The following DNAH11 variants were observed in gnomAD, a reference collection of about 807,000 sequenced individuals.
DNAH11 encodes dynein axonemal heavy chain 11, also known as axonemal beta dynein heavy chain 11.
Under a neutral mutation model 526.0 loss-of-function variants are expected in DNAH11, and 442 were observed. The observed-to-expected ratio is 0.84, with a 90% CI of 0.78 to 0.91. The LOEUF (loss-of-function observed/expected upper bound fraction) is 0.91. Among genes scored for constraint, DNAH11 ranks in the 40% least tolerant of loss-of-function variants. The pLI, the probability that DNAH11 is intolerant of heterozygous loss-of-function variation, is 0.00. For synonymous variants in DNAH11, 2,461 were observed against 1,935.9 expected, an observed-to-expected ratio of 1.27 and a Z score of -7.12; for missense variants, 6,989 against 5,448.7, an observed-to-expected ratio of 1.28 and a Z score of -8.90.
intron 74 of DNAH11, among the ~76,000 whole-genome samples, chr7:21,874,990 C>G (rs145245436): frequency 5.1e-4 from 77 of 152,250 alleles, no homozygotes; most frequent in Non-Finnish European, 7.2e-4. Flanking sequence ...TTTCTCGTAA[C>G]TTTTGGGTCA....
At chr7:21,564,512 T>C in intron 6 of DNAH11, 115 bp downstream of exon 6, 1 of 726,510 alleles carries the variant, frequency 1.4e-6, no homozygotes, top group Non-Finnish European at 2.1e-6. Flanking sequence ...TTTTTCTTTT[T>C]TCAGAAAGGA....
rs1325534080 is a variant in DNAH11, at chr7:21,884,430, AT to A, written c.12507+23del. On this transcript the variant is annotated intron_variant, in intron 76 of 81. Transcript: ENST00000409508. The stretch of plus-strand genomic sequence containing the variant: ...TCTCTGGTAAGACATTTGTAAATTA[AT>A]TTGTAAATAAATTTCACTGAGCAAA... 1.3e-6 allele frequency: 2 copies of A among 1,584,714 alleles called. No individual in the cohort carries two copies. Among genetic ancestry groups the A allele is most frequent in the African/African-American group, 1.4e-5 (1 of 73,592 alleles).
In DNAH11 at chr7:21,704,585, C is replaced by T. The variant is rs780210028; in HGVS notation, c.6425C>T (p.Thr2142Ile). ...LHFEQMVRQS[T>I]LELRLQPEES... The stretch of plus-strand genomic sequence containing the variant: ...TTTGAACAGATGGTCAGGCAGTCTA[C>T]CCTGGAGCTCCGCCTGCAGCCTGAA... Residue 2142 changes from threonine (T) to isoleucine (I), a missense_variant, in exon 38 of 82, where the codon ACC (threonine) becomes ATC (isoleucine). By Grantham distance (89) the Thr-to-Ile change is moderately conservative. Coordinates refer to ENST00000409508, the MANE Select transcript of DNAH11 (RefSeq NM_001277115.2). The T allele has an allele frequency of 6.2e-7, 1 of 1,611,342 alleles. No homozygotes were observed. The highest frequency in any genetic ancestry group is 8.5e-7 in the Non-Finnish European group (1 of 1,179,126).
At position 21,828,696 on chromosome 7, in the gene DNAH11, C is replaced by T. The variant is rs566397106; in HGVS notation, c.10691+10357C>T. ...ATGTTTAAATATGGATATGTTGAAG[C>T]GTGTGTAGGTGTGTATCAAAAGAGA... On this transcript the variant is annotated intron_variant, in intron 65 of 81. Coordinates refer to ENST00000409508, the MANE Select transcript of DNAH11 (RefSeq NM_001277115.2). Among the ~76,000 whole-genome samples, 50 of 149,170 alleles carry T rather than the reference C, an allele frequency of 3.4e-4. 1 individual carries two copies. The highest frequency in any genetic ancestry group is 3.2e-3 in the South Asian group (15 of 4,710).
At chr7:21,843,454 A>G (rs1009139439) in intron 66 of DNAH11, among the ~76,000 whole-genome samples, 4 of 151,720 alleles carry the variant, frequency 2.6e-5, no homozygotes, top group African/African-American at 4.9e-5. Context: ...TAAAAACTAT[A>G]AAGGAATGCT....
At chr7:21,876,911 A>G (rs936631355) in intron 74 of DNAH11, among the ~76,000 whole-genome samples, 1 of 152,262 alleles carries the variant, frequency 6.6e-6, no homozygotes, top group African/African-American at 2.4e-5. Flanking sequence ...TATCTTAAGC[A>G]ACCATATGCC....
At chr7:21,856,895 G>C (rs1782872171) in intron 68 of DNAH11, among the ~76,000 whole-genome samples, 1 of 152,066 alleles carries the variant, frequency 6.6e-6, no homozygotes, top group African/African-American at 2.4e-5. Flanking sequence ...GTTGAAAATG[G>C]AATGCTTTTC....
chr7:21,768,638 A>G (rs758856765), intron 55 of DNAH11, among the ~76,000 whole-genome samples: 1 of 152,232 alleles, frequency 6.6e-6, no homozygotes, highest in African/African-American at 2.4e-5. Context: ...TTCAGGGAAA[A>G]GCAGTTATTC....
At chr7:21,670,478 A>G (rs1250653299) in intron 30 of DNAH11, among the ~76,000 whole-genome samples, 2 of 152,172 alleles carry the variant, frequency 1.3e-5, no homozygotes, top group African/African-American at 2.4e-5. Context: ...CATCATCTGT[A>G]AGTAATGACA....
At chr7:21,676,127 G>A (rs539298879) in intron 30 of DNAH11, among the ~76,000 whole-genome samples, 1 of 152,142 alleles carries the variant, frequency 6.6e-6, no homozygotes, top group East Asian at 1.9e-4. Flanking sequence ...TTGTGCTCCA[G>A]GAACAAAAGT....
Position 21,786,675 on chromosome 7 carries a change from A to G in DNAH11, c.9649A>G (p.Asn3217Asp). Residue 3217 changes from asparagine (N) to aspartate (D), a missense_variant, in exon 59 of 82, where the codon AAT (asparagine) becomes GAT (aspartate). Physicochemically the swap from Asn to Asp is conservative, Grantham distance 23. Coordinates refer to ENST00000409508, the MANE Select transcript of DNAH11 (RefSeq NM_001277115.2). ...TCCCAACCCTCCCATCGCAGTTACC[A>G]ATGTTACTGCAGCCGTGATGGTCCT... ...AFPNPPIAVTNVTAAVMVLLA... is the reference protein window; with the variant it reads ...AFPNPPIAVTDVTAAVMVLLA... 6.2e-7 allele frequency: 1 copy of G among 1,613,694 alleles called. No homozygotes were observed. The highest frequency in any genetic ancestry group is 2.2e-5 in the East Asian group (1 of 44,884).
At chr7:21,892,790 C>T in intron 77 of DNAH11, 123 bp downstream of exon 77, 1 of 1,144,002 alleles carries the variant, frequency 8.7e-7, no homozygotes. Context: ...CAACCACCAC[C>T]TAGATCAAAA....
intron 74 of DNAH11, among the ~76,000 whole-genome samples, chr7:21,880,272 G>T (rs946890843): frequency 6.6e-6 from 1 of 152,122 alleles, no homozygotes; most frequent in African/African-American, 2.4e-5. Flanking sequence ...GTGTCCATGT[G>T]CCCAGAGAAC....
At chr7:21,786,501 A>C in intron 58 of DNAH11, 123 bp from the exon 59 acceptor site, 2 of 1,314,004 alleles carry the variant, frequency 1.5e-6, no homozygotes, top group African/African-American at 2.9e-5. Flanking sequence ...AGAATTGCCA[A>C]ATTGAGACTG....
At chr7:21,861,499 A>C (rs185922310) in intron 68 of DNAH11, among the ~76,000 whole-genome samples, 2 of 152,368 alleles carry the variant, frequency 1.3e-5, no homozygotes, top group African/African-American at 4.8e-5. Context: ...TACTGAACTG[A>C]ATGTATGTAC....
chr7:21,868,947 G>A lies in DNAH11; in HGVS notation c.11923G>A (p.Ala3975Thr). 1.9e-6 allele frequency: 3 copies of A among 1,614,012 alleles called. No homozygotes were observed. The highest frequency in any genetic ancestry group is 1.7e-5 in the Admixed American group (1 of 60,024). The part of the protein sequence containing the change: ...GQGQETVAEV[A>T]LEKASKGGHW... ...AGGTCAGGAGACGGTGGCAGAAGTG[G>A]CCCTGGAGAAAGCTTCCAAAGGAGG... The change falls in exon 73 of 82, where the codon GCC becomes ACC. Residue 3975 changes from alanine (A) to threonine (T), a missense_variant. Physicochemically the swap from Ala to Thr is moderately conservative, Grantham distance 58. Transcript: ENST00000409508.
chr7:21,758,747 C>T (rs1052603410), intron 54 of DNAH11, among the ~76,000 whole-genome samples: 1 of 152,164 alleles, frequency 6.6e-6, no homozygotes, highest in Non-Finnish European at 1.5e-5. Flanking sequence ...AGTGCTTAAT[C>T]CCTTGAGTAA....
chr7:21,775,920 A>G (rs570700916), intron 56 of DNAH11, among the ~76,000 whole-genome samples: 1 of 152,296 alleles, frequency 6.6e-6, no homozygotes, highest in Non-Finnish European at 1.5e-5. Context: ...AGCTTTCAAT[A>G]CTGTGGGGGC....
chr7:21,761,042 C>T (rs1027742102), intron 54 of DNAH11, among the ~76,000 whole-genome samples: 1 of 152,138 alleles, frequency 6.6e-6, no homozygotes, highest in African/African-American at 2.4e-5. Context: ...TTTTCCCTCA[C>T]AGTAATGTTC....
Sources: gnomAD v4.1 joint callset for allele counts (sites outside exome capture counted in the v4.1 genomes callset) on GRCh38, gnomAD v4.1.1 for gene constraint, MANE v1.5 for transcripts, NCBI Gene and HGNC (gene_info 2026-07-23, HGNC 2026-07-21) for gene names.